NBPF9: variants seen among roughly 807,000 people sequenced by gnomAD.
NBPF9 encodes NBPF family member NBPF9.
Under a neutral mutation model 97.8 loss-of-function variants are expected in NBPF9, and 91 were observed. The ratio of observed to expected loss-of-function variants is 0.93; its 90% CI spans 0.79 to 1.11. The LOEUF is 1.11. Among genes scored for constraint, NBPF9 ranks in the 50% least tolerant of loss-of-function variants. The pLI is 0.00. For synonymous variants in NBPF9, 334 were observed against 359.5 expected, an observed-to-expected ratio of 0.93 and a Z score of 0.80; for missense variants, 992 against 939.5, an observed-to-expected ratio of 1.06 and a Z score of -0.73.
exon 14 of NBPF9, chr1:149,072,868 C>T (rs2079529526): frequency 1.9e-6 from 3 of 1,605,672 alleles, no homozygotes; most frequent in Non-Finnish European, 2.6e-6. Flanking sequence ...TCTCTCCCTT[C>T]CCGCAACTTC....
At chr1:149,082,065 G>A (rs1438017761) in exon 7 of NBPF9, 5 of 1,610,480 alleles carry the variant, frequency 3.1e-6, no homozygotes, top group Non-Finnish European at 3.4e-6. Flanking sequence ...CCAACTGGGG[G>A]CGCAATTTCT....
chr1:149,055,431 G>A (rs2078139545), exon 30 of NBPF9: 1 of 725,042 alleles, frequency 1.4e-6, no homozygotes, highest in Non-Finnish European at 2.2e-6. Flanking sequence ...ATCACTCCCG[G>A]CATGTGCTGC....
chr1:149,061,648 G>C, intron 22 of NBPF9: 2 of 220,870 alleles, frequency 9.1e-6, no homozygotes, highest in Non-Finnish European at 1.7e-5. Flanking sequence ...ATGCCTTATT[G>C]TTCCCATCAG....
chr1:149,070,403 A>T (rs1553652656), intron 16 of NBPF9, among the ~76,000 whole-genome samples: 2 of 151,212 alleles, frequency 1.3e-5, no homozygotes, highest in Non-Finnish European at 2.9e-5. Flanking sequence ...GTGGAGAACC[A>T]GGGTCCAGCC....
intron 4 of NBPF9, among the ~76,000 whole-genome samples, chr1:149,093,452 G>C (rs2081544696): frequency 6.6e-6 from 1 of 151,894 alleles, no homozygotes; most frequent in African/African-American, 2.4e-5. Context: ...CTGGGGGACA[G>C]TCAGGTCTTT....
At chr1:149,086,993 C>G (rs1340753220) in intron 5 of NBPF9, among the ~76,000 whole-genome samples, 1 of 152,016 alleles carries the variant, frequency 6.6e-6, no homozygotes, top group Non-Finnish European at 1.5e-5. Context: ...TTCATTCCTA[C>G]AAGTATAAGA....
intron 5 of NBPF9, among the ~76,000 whole-genome samples, chr1:149,084,916 C>T (rs1468412396): frequency 6.6e-6 from 1 of 151,412 alleles, no homozygotes; most frequent in African/African-American, 2.4e-5. Flanking sequence ...CCATGACTGC[C>T]AAGACGCTAG....
intron 5 of NBPF9, among the ~76,000 whole-genome samples, chr1:149,085,627 C>T (rs1385454549): frequency 1.3e-5 from 2 of 151,966 alleles, no homozygotes; most frequent in East Asian, 3.9e-4. Context: ...CTTTTAGGGG[C>T]CTTGTACCTG....
chr1:149,073,958 C>T, intron 12 of NBPF9, 88 bp from the exon 13 acceptor site: 9 of 824,954 alleles, frequency 1.1e-5, no homozygotes, highest in Non-Finnish European at 1.4e-5. Flanking sequence ...AGGTCCATCC[C>T]AAGGACAAAA....
exon 1 of NBPF9, chr1:149,103,473 C>T (rs1222973160): frequency 6.6e-5 from 10 of 152,348 alleles, no homozygotes; most frequent in Non-Finnish European, 1.5e-4. Context: ...CTACCCCTCC[C>T]AATATCGCCG....
At chr1:149,059,984 T>G (rs1181910176) in intron 24 of NBPF9, 176 bp from the exon 25 acceptor site, 1 of 407,286 alleles carries the variant, frequency 2.5e-6, no homozygotes, top group East Asian at 2.9e-5. Context: ...CCTCAGTTTT[T>G]CTCCCAGAAA....
In NBPF9 at chr1:149,079,238, G is replaced by C. The variant is rs782582060; in HGVS notation, c.279-17C>G. 5.0e-6 allele frequency: 4 copies of C among 806,864 alleles called. No individual in the cohort carries two copies. The East Asian group carries it at 7.5e-5, about 15-fold the overall frequency. 50.0% of individuals were successfully genotyped at this position (806,864 alleles called of 1,614,324 possible). ...TTATATTGCCTAAGGTGAGACGGTA[G>C]AGAAAATTTAAGAGTAGAAAGGGTT... On this transcript the variant is annotated splice_polypyrimidine_tract_variant and intron_variant, in intron 8 of 29. Coordinates refer to ENST00000584027, the Ensembl canonical transcript of NBPF9.
At chr1:149,086,334 CCCA>C (rs1553658470) in intron 5 of NBPF9, among the ~76,000 whole-genome samples, 1 of 150,392 alleles carries the variant, frequency 6.6e-6, no homozygotes, top group Admixed American at 6.6e-5. Context: ...GTAACAAAAG[CCCA>C]CCAAGAGTTT....
intron 5 of NBPF9, among the ~76,000 whole-genome samples, chr1:149,085,363 G>C (rs1366425237): frequency 1.3e-5 from 2 of 152,058 alleles, no homozygotes; most frequent in Non-Finnish European, 2.9e-5. Flanking sequence ...TAAAATTACT[G>C]TAGCTTTAAA....
intron 2 of NBPF9, 110 bp from the exon 3 acceptor site, chr1:149,101,489 A>G (rs1430461231): frequency 1.3e-5 from 2 of 152,238 alleles, no homozygotes; most frequent in Non-Finnish European, 2.9e-5. Context: ...TGCAATACAT[A>G]TATATCGTAG....
In NBPF9 at chr1:149,064,764, A is replaced by T. The variant is rs1176750716; in HGVS notation, c.1802-282T>A. On this transcript the variant is annotated intron_variant, in intron 18 of 29. Transcript: ENST00000584027. Reference sequence around the variant, plus strand: ...AAATGCGCGATTTTTTTCCCCAATAAATTGTAGGCAAATAGTTCTAACACC... The same window carrying T: ...AAATGCGCGATTTTTTTCCCCAATATATTGTAGGCAAATAGTTCTAACACC... The T allele has an allele frequency of 5.5e-4, 331 of 605,128 alleles. 2 individuals carry two copies. The highest frequency in any genetic ancestry group is 7.4e-4 in the Non-Finnish European group (253 of 342,824). The allele number at this position is 605,128 out of a possible 1,614,324, so 37.5% of individuals were successfully genotyped here. A position where few individuals can be genotyped will look rare whatever the true frequency, so the allele number is the denominator to read the frequency against.
At position 149,075,740 on chromosome 1, in the gene NBPF9, C is replaced by T. The variant is rs1346945682; in HGVS notation, c.903G>A (p.Glu301=). ...TGAGGTTTCTGAACTGCTGTTTCTT[C>T]TCTGCCAGCTGGGGGCGCAATTTCT... The change falls in exon 12 of 30, where the codon GAG becomes GAA. Residue 301 remains glutamate, a synonymous_variant. Coordinates refer to ENST00000584027, the Ensembl canonical transcript of NBPF9. The T allele has an allele frequency of 8.7e-6, 14 of 1,600,830 alleles. No individual in the cohort carries two copies. The East Asian group carries it at 8.9e-5, about 10-fold the overall frequency.
chr1:149,103,357 C>G (rs2082279277), exon 1 of NBPF9: 1 of 152,096 alleles, frequency 6.6e-6, no homozygotes, highest in South Asian at 2.1e-4. Context: ...CAGACGGCAG[C>G]CGCGCCGCCG....
At chr1:149,081,424 C>G (rs1364908461) in intron 7 of NBPF9, among the ~76,000 whole-genome samples, 1 of 150,446 alleles carries the variant, frequency 6.6e-6, no homozygotes, top group Non-Finnish European at 1.5e-5. Context: ...GGCCCCTACT[C>G]CCTGCTCTTG....
Sources: allele counts gnomAD v4.1 joint callset (sites outside exome capture counted in the v4.1 genomes callset), GRCh38; gene constraint gnomAD v4.1.1; transcripts MANE v1.5; gene names NCBI Gene and HGNC (gene_info 2026-07-23, HGNC 2026-07-21).